SPATA9: variants seen among roughly 807,000 people sequenced by gnomAD.
SPATA9 encodes spermatogenesis-associated protein 9.
SPATA9 carries 27 observed loss-of-function variants against 25.5 expected under a neutral mutation model. That is an observed-to-expected ratio of 1.06 (90% confidence interval 0.78 to 1.46). The LOEUF is 1.46. Among genes scored for constraint, SPATA9 ranks in the 40% most tolerant of loss-of-function variants. SPATA9 has a pLI of 0.00. For synonymous variants in SPATA9, 102 were observed against 105.7 expected (o/e 0.97, Z 0.21); for missense variants, 282 against 297.5 (o/e 0.95, Z 0.38).
At position 95,666,674 on chromosome 5, in the gene SPATA9, G is replaced by T. The variant is rs1751838556; in HGVS notation, c.379-2626C>A. On this transcript the variant is annotated intron_variant, in intron 3 of 4. Transcript: ENST00000274432. ...ATACAAAAACAAGCCAAACTATGCTGTTGGAAGAAAAGGAAACAATTATCC... is the reference window on the plus strand; with the variant it reads ...ATACAAAAACAAGCCAAACTATGCTTTTGGAAGAAAAGGAAACAATTATCC... Among the ~76,000 whole-genome samples the T allele has an allele frequency of 2.0e-5, 3 of 152,160 alleles. No individual in the cohort carries two copies. The South Asian group carries it at 6.2e-4, about 31-fold the overall frequency.
intron 4 of SPATA9, among the ~76,000 whole-genome samples, chr5:95,660,615 TATG>T (rs1210318392): frequency 6.6e-6 from 1 of 152,204 alleles, no homozygotes; most frequent in Non-Finnish European, 1.5e-5. Context: ...TTATCCAAAA[TATG>T]ATCATTCTCT....
the SPATA9 span, among the ~76,000 whole-genome samples, chr5:95,706,849 T>C: frequency 2.7e-5 from 4 of 146,174 alleles, no homozygotes; most frequent in Non-Finnish European, 4.5e-5. Flanking sequence ...TATATATATA[T>C]AATTTTGTAT....
downstream of SPATA9, chr5:95,656,470 G>A (rs1048131406): frequency 3.3e-6 from 2 of 597,222 alleles, no homozygotes; most frequent in Non-Finnish European, 5.9e-6. Context: ...TTAGTATGAT[G>A]TAAGGATTAT....
At chr5:95,691,950 C>T (rs1237335091) in intron 1 of SPATA9, among the ~76,000 whole-genome samples, 1 of 152,098 alleles carries the variant, frequency 6.6e-6, no homozygotes, top group Non-Finnish European at 1.5e-5. Context: ...TGAATATGAT[C>T]GCTTTTGCCC....
chr5:95,708,828 T>C, the SPATA9 span: 5 of 560,624 alleles, frequency 8.9e-6, no homozygotes, highest in East Asian at 1.6e-4. Context: ...TGTTGACGAA[T>C]ACACGTCCTG....
chr5:95,665,546 G>A lies in SPATA9; in HGVS notation c.379-1498C>T, dbSNP rs963087555. Among the ~76,000 whole-genome samples, 12 of 152,302 alleles carry A rather than the reference G, an allele frequency of 7.9e-5. 1 individual carries two copies. Among genetic ancestry groups the A allele is most frequent in the Admixed American group, 7.8e-4 (12 of 15,300 alleles). Reference sequence around the variant, plus strand: ...CAGATTCATCCTTGCCATCACAAATGACAGAATTCTTTTTAATGGTTAAAT... The same window carrying A: ...CAGATTCATCCTTGCCATCACAAATAACAGAATTCTTTTTAATGGTTAAAT... On this transcript the variant is annotated intron_variant, in intron 3 of 4. Transcript: ENST00000274432.
At chr5:95,693,465 G>C (rs1753937877) in intron 1 of SPATA9, among the ~76,000 whole-genome samples, 1 of 152,132 alleles carries the variant, frequency 6.6e-6, no homozygotes, top group Admixed American at 6.5e-5. Flanking sequence ...ATGAGAAAAA[G>C]CAAGGTACAG....
chr5:95,683,035 C>T (rs1753593788), upstream of SPATA9: 7 of 1,253,830 alleles, frequency 5.6e-6, no homozygotes, highest in South Asian at 1.9e-4. Flanking sequence ...CGAGAACCTG[C>T]TACAGAATCT....
rs141732811 is a variant in SPATA9 at position 95,672,728 on chromosome 5, T to C, written c.378+2684A>G. Among the ~76,000 whole-genome samples the C allele has an allele frequency of 2.6e-3, 391 of 152,344 alleles. 3 individuals are homozygous for C. The highest frequency in any genetic ancestry group is 8.9e-3 in the African/African-American group (369 of 41,574). Reference sequence around the variant, plus strand: ...CTGGAATAAGTTATCACACTTGATCTCTAAATTTACCTCAGAAACTCATTA... The same window carrying C: ...CTGGAATAAGTTATCACACTTGATCCCTAAATTTACCTCAGAAACTCATTA... On this transcript the variant is annotated intron_variant, in intron 3 of 4. Coordinates refer to ENST00000274432, the MANE Select transcript of SPATA9 (RefSeq NM_031952.4).
chr5:95,654,331 A>G, downstream of SPATA9: 1 of 1,609,410 alleles, frequency 6.2e-7, no homozygotes, highest in Non-Finnish European at 8.5e-7. Context: ...ATTCCTTTTC[A>G]GACTCAGGAG....
chr5:95,720,507 T>C, the SPATA9 span, among the ~76,000 whole-genome samples: 225 of 152,344 alleles, frequency 1.5e-3, 1 homozygote, highest in East Asian at 0.013. Context: ...GAGTTACTAA[T>C]AGTGTACAAT....
At chr5:95,662,029 A>T (rs771520184) in intron 4 of SPATA9, among the ~76,000 whole-genome samples, 2 of 152,212 alleles carry the variant, frequency 1.3e-5, no homozygotes, top group African/African-American at 4.8e-5. Context: ...AGTTATTAAG[A>T]TATAAAGCTC....
rs7727876 is a variant in SPATA9 at position 95,669,657 on chromosome 5, T to G, written c.379-5609A>C. Among the ~76,000 whole-genome samples, 471 of 152,340 alleles carry G rather than the reference T, an allele frequency of 3.1e-3. 1 individual carries two copies. Among genetic ancestry groups the G allele is most frequent in the African/African-American group, 0.01 (421 of 41,574 alleles). ...AGCTCTTGGTCCTGTGGCTCTGCAT[T>G]GGCCTGCCAGAATCAACAATGATGT... On this transcript the variant is annotated intron_variant, in intron 3 of 4. Transcript: ENST00000274432.
At chr5:95,718,197 T>G in the SPATA9 span, among the ~76,000 whole-genome samples, 2 of 152,124 alleles carry the variant, frequency 1.3e-5, no homozygotes, top group Non-Finnish European at 2.9e-5. Context: ...TCTAGCCGTA[T>G]GGGGAAGAAA....
At chr5:95,678,006 A>G (rs1350223776) in intron 2 of SPATA9, among the ~76,000 whole-genome samples, 1 of 152,232 alleles carries the variant, frequency 6.6e-6, no homozygotes, top group Non-Finnish European at 1.5e-5. Flanking sequence ...TACTAAGGCT[A>G]TTATCTGGGC....
chr5:95,704,454 T>A, the SPATA9 span, among the ~76,000 whole-genome samples: 2 of 152,142 alleles, frequency 1.3e-5, no homozygotes, highest in South Asian at 4.1e-4. Flanking sequence ...GAGGTAGTAA[T>A]TTTTTCCACT....
At chr5:95,723,609 C>CATT in the SPATA9 span, among the ~76,000 whole-genome samples, 2 of 152,174 alleles carry the variant, frequency 1.3e-5, no homozygotes. Flanking sequence ...TAAATTTGCA[C>CATT]ACTTTATCTC....
the SPATA9 span, among the ~76,000 whole-genome samples, chr5:95,706,119 TC>T: frequency 6.6e-6 from 1 of 152,058 alleles, no homozygotes; most frequent in Non-Finnish European, 1.5e-5. Context: ...TTGTAACAGA[TC>T]CTTTAATGGC....
chr5:95,655,011 A>G (rs1311768425), downstream of SPATA9, among the ~76,000 whole-genome samples: 1 of 152,212 alleles, frequency 6.6e-6, no homozygotes, highest in Non-Finnish European at 1.5e-5. Flanking sequence ...TTGGATTCCA[A>G]AACTAGTCAC....
Sources: gnomAD v4.1 joint callset for allele counts (sites outside exome capture counted in the v4.1 genomes callset) on GRCh38, gnomAD v4.1.1 for gene constraint, MANE v1.5 for transcripts, NCBI Gene and HGNC (gene_info 2026-07-23, HGNC 2026-07-21) for gene names.